The following SLC15A5 variants were observed in gnomAD, a reference collection of about 807,000 sequenced individuals.
SLC15A5 encodes Peptide/histidine transporter ENSP00000340402.
In SLC15A5, 58 loss-of-function variants were observed where a neutral mutation model predicts 56.1. The observed-to-expected ratio is 1.03, with a 90% confidence interval of 0.84 to 1.29. SLC15A5 has a LOEUF of 1.29. Among genes scored for constraint, SLC15A5 ranks in the 50% most tolerant of loss-of-function variants. The pLI is 0.00. For missense variants in SLC15A5, 681 were observed against 672.1 expected (o/e 1.01, Z -0.15); for synonymous variants, 264 against 250.5 (o/e 1.05, Z -0.51).
At chr12:16,222,325 T>C (rs1441647765) in intron 6 of SLC15A5, among the ~76,000 whole-genome samples, 1 of 150,866 alleles carries the variant, frequency 6.6e-6, no homozygotes, top group Non-Finnish European at 1.5e-5. Flanking sequence ...CCATAGAGCC[T>C]AACCTCTGTG....
chr12:16,211,340 T>C (rs956693385), intron 7 of SLC15A5, among the ~76,000 whole-genome samples: 2 of 152,220 alleles, frequency 1.3e-5, no homozygotes, highest in African/African-American at 4.8e-5. Flanking sequence ...ATCATAGATA[T>C]TTAAATGAGC....
chr12:16,202,701 T>A (rs1324729107), intron 7 of SLC15A5, among the ~76,000 whole-genome samples: 1 of 152,144 alleles, frequency 6.6e-6, no homozygotes, highest in African/African-American at 2.4e-5. Flanking sequence ...ATAGCTAAGA[T>A]ATGAACACAA....
chr12:16,251,139 G>T (rs1215848029), intron 3 of SLC15A5, among the ~76,000 whole-genome samples: 1 of 151,914 alleles, frequency 6.6e-6, no homozygotes, highest in East Asian at 1.9e-4. Flanking sequence ...TCTGGACACA[G>T]ATTAAAACAA....
At position 16,243,767 on chromosome 12, in the gene SLC15A5, C is replaced by T. The variant is rs562257252; in HGVS notation, c.975+813G>A. On this transcript the variant is annotated intron_variant, in intron 4 of 8. Transcript: ENST00000344941. The surrounding 1 kb of genome is among the most constrained non-coding windows in gnomAD (Gnocchi z 4.4). ...CCTCACCTCTACCAAAAGAAAGTCACTTAATTTTTCTGAGCCTAAGGTTCC... is the reference window on the plus strand; with the variant it reads ...CCTCACCTCTACCAAAAGAAAGTCATTTAATTTTTCTGAGCCTAAGGTTCC... Among the ~76,000 whole-genome samples the T allele has an allele frequency of 3.3e-5, 5 of 152,200 alleles. No individual in the cohort carries two copies. In the East Asian group the frequency reaches 9.7e-4, roughly 29 times the overall value.
chr12:16,267,991 C>G lies in SLC15A5; in HGVS notation c.584+4570G>C, dbSNP rs1257276846. Among the ~76,000 whole-genome samples the G allele has an allele frequency of 1.8e-5, 2 of 113,824 alleles. 1 individual carries two copies. The highest frequency in any genetic ancestry group is 3.7e-5 in the Non-Finnish European group (2 of 53,976). The allele number at this position is 113,824 out of a possible 152,430, so 74.7% of individuals were successfully genotyped here. Reference sequence around the variant, plus strand: ...CCTTGAGTGATCCTCCTGCCTAGGCCTCCCAGAGCCCAGGGATTCAGGTGT... The same window carrying G: ...CCTTGAGTGATCCTCCTGCCTAGGCGTCCCAGAGCCCAGGGATTCAGGTGT... On this transcript the variant is annotated intron_variant, in intron 2 of 8. Transcript: ENST00000344941.
At chr12:16,213,509 A>T (rs1370939187) in intron 7 of SLC15A5, among the ~76,000 whole-genome samples, 1 of 152,166 alleles carries the variant, frequency 6.6e-6, no homozygotes, top group Non-Finnish European at 1.5e-5. Flanking sequence ...AGTGATCAAT[A>T]GATGGGCACA....
chr12:16,198,374 G>A (rs901340283), intron 7 of SLC15A5, among the ~76,000 whole-genome samples: 1 of 152,086 alleles, frequency 6.6e-6, no homozygotes, highest in African/African-American at 2.4e-5. Flanking sequence ...TAAATAAAAT[G>A]TTTCTATTTA....
intron 6 of SLC15A5, 51 bp from the exon 7 acceptor site, chr12:16,217,075 T>C: frequency 6.8e-7 from 1 of 1,478,318 alleles, no homozygotes; most frequent in South Asian, 1.4e-5. Flanking sequence ...GAAAATGCTT[T>C]CATAGAGACT....
intron 7 of SLC15A5, among the ~76,000 whole-genome samples, chr12:16,209,860 C>A (rs1052630662): frequency 3.3e-5 from 5 of 152,164 alleles, no homozygotes; most frequent in Admixed American, 3.3e-4. Context: ...CCTTGTTTCT[C>A]CCAAATTATT....
intron 2 of SLC15A5, among the ~76,000 whole-genome samples, chr12:16,260,757 CG>C (rs1277426708): frequency 4.2e-5 from 5 of 118,494 alleles, no homozygotes; most frequent in Admixed American, 3.3e-4. Flanking sequence ...AGTATTTTCC[CG>C]TTTTTTTTTT....
At chr12:16,256,296 A>T (rs1321584898) in intron 3 of SLC15A5, among the ~76,000 whole-genome samples, 1 of 152,208 alleles carries the variant, frequency 6.6e-6, no homozygotes, top group African/African-American at 2.4e-5. Context: ...ATAGAATATG[A>T]TCACCTTGCA....
intron 2 of SLC15A5, among the ~76,000 whole-genome samples, chr12:16,265,488 T>C (rs1864685080): frequency 6.6e-6 from 1 of 152,154 alleles, no homozygotes; most frequent in Admixed American, 6.5e-5. Flanking sequence ...GTAAACTTTT[T>C]TGTTTTTTGA....
chr12:16,252,283 T>G (rs945857759), intron 3 of SLC15A5, among the ~76,000 whole-genome samples: 6 of 151,996 alleles, frequency 3.9e-5, no homozygotes, highest in Admixed American at 6.6e-5. Context: ...CTACTATAAT[T>G]GAACATAGTG....
chr12:16,229,481 ATACTTAC>A (rs1864273613), intron 5 of SLC15A5, among the ~76,000 whole-genome samples: 1 of 152,022 alleles, frequency 6.6e-6, no homozygotes, highest in Admixed American at 6.6e-5. Flanking sequence ...TTTTTTCACT[ATACTTAC>A]TACAATTTGA....
intron 2 of SLC15A5, among the ~76,000 whole-genome samples, chr12:16,259,577 G>A (rs1864618644): frequency 6.6e-6 from 1 of 152,100 alleles, no homozygotes; most frequent in Non-Finnish European, 1.5e-5. Flanking sequence ...AGAGAAATTG[G>A]GCATCATATA....
At chr12:16,210,315 C>T (rs1864067245) in intron 7 of SLC15A5, among the ~76,000 whole-genome samples, 1 of 151,132 alleles carries the variant, frequency 6.6e-6, no homozygotes, top group African/African-American at 2.4e-5. Context: ...TTACATGGGT[C>T]CGTGAGGCCA....
Position 16,218,910 on chromosome 12 carries a change from T to A in SLC15A5, c.1352-1886A>T, listed in dbSNP as rs58751454. Among the ~76,000 whole-genome samples, 48 of 152,296 alleles carry A rather than the reference T, an allele frequency of 3.2e-4. 1 individual carries two copies. The highest frequency in any genetic ancestry group is 1.1e-3 in the African/African-American group (46 of 41,572). ...AGCAAAACTCTGCATTTACCAGAAC[T>A]TTTCCATGATCTTACTAACACATGA... On this transcript the variant is annotated intron_variant, in intron 6 of 8. Transcript: ENST00000344941.
chr12:16,215,409 T>G (rs2136245872), intron 7 of SLC15A5, among the ~76,000 whole-genome samples: 1 of 152,222 alleles, frequency 6.6e-6, no homozygotes, highest in South Asian at 2.1e-4. Context: ...GAAATTTTGT[T>G]TTAGTAAATT....
rs933732223 is a variant in SLC15A5, at chr12:16,269,911, A to G, written c.584+2650T>C. On this transcript the variant is annotated intron_variant, in intron 2 of 8. Transcript: ENST00000344941. The surrounding 1 kb of genome is among the most constrained non-coding windows in gnomAD (Gnocchi z 4.7). ...CATTATCCTCCTTCTTTTTGCTTCC[A>G]GAAAAGAATCTGCACAGGTGTATTT... 1.3e-5 allele frequency among the ~76,000 whole-genome samples: 2 copies of G among 152,218 alleles called. No homozygotes were observed. The highest frequency in any genetic ancestry group is 4.8e-5 in the African/African-American group (2 of 41,462).
Sources: gnomAD v4.1 joint callset for allele counts (sites outside exome capture counted in the v4.1 genomes callset) on GRCh38, gnomAD v4.1.1 for gene constraint, Gnocchi (gnomAD v3.1) non-coding constraint, MANE v1.5 for transcripts, NCBI Gene and HGNC (gene_info 2026-07-23, HGNC 2026-07-21) for gene names.